PCSK2: variants seen among roughly 807,000 people sequenced by gnomAD.
The protein encoded by PCSK2 is neuroendocrine convertase 2.
A neutral mutation model predicts 69.7 loss-of-function variants in PCSK2; 14 were observed. The observed-to-expected ratio is 0.20, with a 90% CI of 0.13 to 0.31. The LOEUF is 0.31. Among genes scored for constraint, PCSK2 ranks in the 10% least tolerant of loss-of-function variants. The pLI is 1.00. For missense variants in PCSK2, 544 were observed against 842.5 expected, an observed-to-expected ratio of 0.65 and a Z score of 4.39; for synonymous variants, 307 against 320.7, an observed-to-expected ratio of 0.96 and a Z score of 0.46.
intron 8 of PCSK2, 82 bp downstream of exon 8, chr20:17,436,965 C>T (rs2032496583): frequency 8.4e-7 from 1 of 1,192,140 alleles, no homozygotes; most frequent in Non-Finnish European, 1.2e-6. Context: ...CTGGGTGAAC[C>T]ACTGTCACCC....
At chr20:17,297,287 C>A (rs1988927077) in intron 2 of PCSK2, among the ~76,000 whole-genome samples, 2 of 152,148 alleles carry the variant, frequency 1.3e-5, no homozygotes, top group South Asian at 4.2e-4. Flanking sequence ...TAAACCATGG[C>A]AGTAAGCTTG....
intron 1 of PCSK2, among the ~76,000 whole-genome samples, chr20:17,259,839 C>T (rs745958988): frequency 6.6e-5 from 10 of 152,106 alleles, no homozygotes; most frequent in Admixed American, 1.3e-4. Flanking sequence ...GACTACAAAA[C>T]ATCGCAGCAT....
At chr20:17,288,193 A>AGCT (rs1265429212) in intron 2 of PCSK2, among the ~76,000 whole-genome samples, 1 of 152,204 alleles carries the variant, frequency 6.6e-6, no homozygotes, top group Non-Finnish European at 1.5e-5. Context: ...AGGATGACTC[A>AGCT]GCATGTCCTT....
At chr20:17,349,649 T>C (rs956882112) in intron 2 of PCSK2, among the ~76,000 whole-genome samples, 1 of 152,094 alleles carries the variant, frequency 6.6e-6, no homozygotes, top group East Asian at 1.9e-4. Flanking sequence ...TAAAGTGTTT[T>C]AACCTACCAA....
intron 2 of PCSK2, among the ~76,000 whole-genome samples, chr20:17,356,915 C>T (rs182759789): frequency 2.7e-4 from 41 of 152,242 alleles, no homozygotes; most frequent in African/African-American, 9.4e-4. Flanking sequence ...ACTCTAATGC[C>T]TGCAGCAGGC....
rs56275148 is a variant in PCSK2, at chr20:17,335,427, TTGTGTG to T, written c.283-22870_283-22865del. Among the ~76,000 whole-genome samples the T allele has an allele frequency of 2.2e-4, 31 of 139,280 alleles. 1 individual carries two copies. In the South Asian group the frequency reaches 4.2e-3, roughly 19 times the overall value. 91.4% of individuals were successfully genotyped at this position (139,280 alleles called of 152,430 possible). A position where few individuals can be genotyped will look rare whatever the true frequency, so the allele number is the denominator to read the frequency against. Reference sequence around the variant, plus strand: ...AGTCAGACAGCATCACAGCATCACTTTGTGTGTGTGTGTGTGTGTGTGTGTGTGTGT... The same window carrying T: ...AGTCAGACAGCATCACAGCATCACTTTGTGTGTGTGTGTGTGTGTGTGTGT... On this transcript the variant is annotated intron_variant, in intron 2 of 11. Transcript: ENST00000262545.
chr20:17,408,588 G>A (rs2123301585), intron 5 of PCSK2, among the ~76,000 whole-genome samples: 1 of 152,298 alleles, frequency 6.6e-6, no homozygotes, highest in Admixed American at 6.5e-5. Flanking sequence ...TTCTTTGTTT[G>A]ATCTTTCGAT....
intron 1 of PCSK2, among the ~76,000 whole-genome samples, chr20:17,250,496 CTA>C (rs953193731): frequency 3.9e-5 from 6 of 152,160 alleles, no homozygotes; most frequent in African/African-American, 1.4e-4. Context: ...GGTTTCTCCA[CTA>C]TAAAGATACA....
intron 2 of PCSK2, among the ~76,000 whole-genome samples, chr20:17,287,439 G>C (rs1306739963): frequency 1.3e-5 from 2 of 149,174 alleles, no homozygotes; most frequent in Non-Finnish European, 3.0e-5. Context: ...GTCTGTGTGT[G>C]TGTGTGTGTG....
intron 2 of PCSK2, among the ~76,000 whole-genome samples, chr20:17,265,036 G>GT (rs1987540246): frequency 6.6e-6 from 1 of 152,058 alleles, no homozygotes; most frequent in Non-Finnish European, 1.5e-5. Context: ...GCTAATTTTT[G>GT]TATTTTTGGT....
At chr20:17,443,461 G>C (rs535208683) in intron 8 of PCSK2, among the ~76,000 whole-genome samples, 2 of 152,274 alleles carry the variant, frequency 1.3e-5, no homozygotes, top group Admixed American at 6.5e-5. Flanking sequence ...TGTGTGACTG[G>C]AGAGAAATTG....
intron 2 of PCSK2, among the ~76,000 whole-genome samples, chr20:17,297,488 C>T (rs1214792934): frequency 6.6e-6 from 1 of 152,236 alleles, no homozygotes; most frequent in Admixed American, 6.5e-5. Context: ...TTCAACACTA[C>T]CGTCTGAAGC....
At chr20:17,280,707 A>C (rs1193853658) in intron 2 of PCSK2, among the ~76,000 whole-genome samples, 2 of 152,206 alleles carry the variant, frequency 1.3e-5, no homozygotes, top group Non-Finnish European at 2.9e-5. Context: ...AGGAAGTGAT[A>C]ATGAGGTACA....
chr20:17,461,745 G>T, intron 10 of PCSK2, among the ~76,000 whole-genome samples: 1 of 152,220 alleles, frequency 6.6e-6, no homozygotes, highest in East Asian at 1.9e-4. Flanking sequence ...TGCTCTGAAA[G>T]AGAATGGTGA....
chr20:17,351,448 C>T (rs896588493), intron 2 of PCSK2, among the ~76,000 whole-genome samples: 11 of 152,220 alleles, frequency 7.2e-5, no homozygotes, highest in African/African-American at 2.4e-4. Flanking sequence ...TAAAAATTCT[C>T]AACAAAATAC....
intron 1 of PCSK2, among the ~76,000 whole-genome samples, chr20:17,236,803 G>C (rs1986357472): frequency 6.6e-6 from 1 of 152,152 alleles, no homozygotes; most frequent in Non-Finnish European, 1.5e-5. Context: ...GGGAAGTCCT[G>C]TTTTTAGGTC....
At chr20:17,427,517 G>A (rs1008812851) in intron 6 of PCSK2, among the ~76,000 whole-genome samples, 6 of 152,204 alleles carry the variant, frequency 3.9e-5, no homozygotes, top group South Asian at 2.1e-4. Flanking sequence ...CTCCCCACAC[G>A]TGAGCCATGG....
intron 2 of PCSK2, among the ~76,000 whole-genome samples, chr20:17,293,424 C>T (rs1988765249): frequency 6.6e-6 from 1 of 152,092 alleles, no homozygotes; most frequent in African/African-American, 2.4e-5. Flanking sequence ...AATAAGAATG[C>T]CTCTATTTTG....
At chr20:17,396,054 GC>G (rs1433520155) in intron 5 of PCSK2, among the ~76,000 whole-genome samples, 4 of 152,308 alleles carry the variant, frequency 2.6e-5, no homozygotes, top group Admixed American at 6.5e-5. Context: ...GGGCGGAGAA[GC>G]TTTGAGCATC....
Sources: gnomAD v4.1 joint callset for allele counts (sites outside exome capture counted in the v4.1 genomes callset) on GRCh38, gnomAD v4.1.1 for gene constraint, MANE v1.5 for transcripts, NCBI Gene and HGNC (gene_info 2026-07-23, HGNC 2026-07-21) for gene names.